The following USP43 variants were observed in gnomAD, a reference collection of about 807,000 sequenced individuals.
USP43 encodes ubiquitin carboxyl-terminal hydrolase 43.
In USP43, 33 loss-of-function variants were observed where a neutral mutation model predicts 90.7. The observed-to-expected ratio is 0.36, with a 90% CI of 0.28 to 0.49. The LOEUF (loss-of-function observed/expected upper bound fraction) is 0.49. Among genes scored for constraint, USP43 ranks in the 20% least tolerant of loss-of-function variants. USP43 has a pLI of 0.98. For missense variants in USP43, 1,274 were observed against 1,476.4 expected (o/e 0.86, Z 2.25); for synonymous variants, 598 against 615.8 (o/e 0.97, Z 0.43).
intron 1 of USP43, among the ~76,000 whole-genome samples, chr17:9,648,826 C>T (rs1192525117): frequency 6.6e-6 from 1 of 151,882 alleles, no homozygotes; most frequent in African/African-American, 2.4e-5. Context: ...CTTAAGGAGT[C>T]TTGTCTTTTC....
At chr17:9,717,749 G>T (rs576847310) in intron 14 of USP43, among the ~76,000 whole-genome samples, 2 of 152,060 alleles carry the variant, frequency 1.3e-5, no homozygotes, top group Admixed American at 6.6e-5. Flanking sequence ...TGGAATAAGT[G>T]GGCAAATAAT....
chr17:9,650,831 A>G (rs1911806262), intron 1 of USP43, among the ~76,000 whole-genome samples: 1 of 152,196 alleles, frequency 6.6e-6, no homozygotes, highest in Non-Finnish European at 1.5e-5. Context: ...ACAAAAAGAA[A>G]TAGCATATTT....
chr17:9,686,679 G>A lies in USP43; in HGVS notation c.1242-119G>A, dbSNP rs1914611813. ...GTTTTTTTTGCTGTTGAGTTTTTGT[G>A]CTTAGCTCTTGTCACTTATCCTATT... On this transcript the variant is annotated intron_variant, in intron 7 of 14. Coordinates refer to ENST00000285199, the MANE Select transcript of USP43 (RefSeq NM_153210.5). This position sits in a 1 kb window ranked among gnomAD's most constrained non-coding sequence, Gnocchi z 5.5. The A allele has an allele frequency of 3.9e-6, 3 of 774,196 alleles. No individual in the cohort carries two copies. The highest frequency in any genetic ancestry group is 1.8e-5 in the South Asian group (1 of 55,834). 48.0% of individuals were successfully genotyped at this position (774,196 alleles called of 1,614,324 possible).
At chr17:9,684,208 G>T (rs561965620) in intron 7 of USP43, among the ~76,000 whole-genome samples, 1 of 152,112 alleles carries the variant, frequency 6.6e-6, no homozygotes, top group African/African-American at 2.4e-5. Context: ...ATGTCCTTGG[G>T]TGGGGGCTAG....
chr17:9,688,335 T>C (rs887851280), intron 8 of USP43, among the ~76,000 whole-genome samples: 6 of 147,282 alleles, frequency 4.1e-5, no homozygotes, highest in African/African-American at 1.5e-4. Context: ...TCCTTACTCT[T>C]ACCTGCTCAC....
At chr17:9,693,021 T>C in intron 8 of USP43, 106 bp from the exon 9 acceptor site, 1 of 855,952 alleles carries the variant, frequency 1.2e-6, no homozygotes, top group Admixed American at 2.8e-5. Flanking sequence ...CAAAATACAC[T>C]ATGGAAAATA....
Position 9,674,980 on chromosome 17 carries a change from C to T in USP43, c.830C>T (p.Thr277Met), listed in dbSNP as rs774831489. ...CVSLPIPLRQ[T>M]RFLSVTLVFP... is the part of the protein sequence containing the mutation. ...TCCCTACCTATCCCCTTGCGCCAGA[C>T]GAGGTACGTGAGTGTCGCGGCTTGC... Residue 277 changes from threonine (T) to methionine (M), a missense_variant, in exon 4 of 15, where the codon ACG becomes ATG. This residue lies in a region of USP43 where 259 missense variants were observed against 373.7 expected (regional missense o/e 0.69). Transcript: ENST00000285199. The surrounding 1 kb of genome is among the most constrained non-coding windows in gnomAD (Gnocchi z 4.4). 30 of 1,613,700 alleles carry T rather than the reference C, an allele frequency of 1.9e-5. No homozygotes were observed. Among genetic ancestry groups the T allele is most frequent in the Middle Eastern group, 1.6e-4 (1 of 6,084 alleles).
At chr17:9,724,609 G>A (rs1422635898) in intron 14 of USP43, among the ~76,000 whole-genome samples, 1 of 151,708 alleles carries the variant, frequency 6.6e-6, no homozygotes, top group Non-Finnish European at 1.5e-5. Flanking sequence ...GAATCCGGGA[G>A]GTGGAGGTTG....
chr17:9,700,309 T>A (rs1395564042), intron 10 of USP43, 60 bp downstream of exon 10: 1 of 1,500,048 alleles, frequency 6.7e-7, no homozygotes, highest in Non-Finnish European at 9.1e-7. Context: ...GTGCCCAGGT[T>A]TCCCTGGACG....
chr17:9,701,766 G>A lies in USP43; in HGVS notation c.2011+66G>A. ...ACAGCCTCGAGATGTCCCTGGAATG[G>A]GTGTTGCTCAGATGCTGAGCTCCCT... is the stretch of plus-strand genomic sequence containing the variant. On this transcript the variant is annotated intron_variant, in intron 12 of 14. Transcript: ENST00000285199. This position sits in a 1 kb window ranked among gnomAD's most constrained non-coding sequence, Gnocchi z 7.2. 1 of 1,386,438 alleles carries A rather than the reference G, an allele frequency of 7.2e-7. No individual in the cohort carries two copies. Among genetic ancestry groups the A allele is most frequent in the Non-Finnish European group, 9.6e-7 (1 of 1,036,834 alleles). The allele number at this position is 1,386,438 out of a possible 1,614,324, so 85.9% of individuals were successfully genotyped here. A position where few individuals can be genotyped will look rare whatever the true frequency, so the allele number is the denominator to read the frequency against.
At chr17:9,715,873 A>G (rs1597889007) in intron 14 of USP43, among the ~76,000 whole-genome samples, 2 of 127,006 alleles carry the variant, frequency 1.6e-5, no homozygotes, top group South Asian at 2.6e-4. Context: ...GTCTCTGTGT[A>G]TCTGTGTGTG....
chr17:9,662,912 G>T (rs188780596), intron 2 of USP43, among the ~76,000 whole-genome samples: 1 of 151,418 alleles, frequency 6.6e-6, no homozygotes, highest in African/African-American at 2.4e-5. Flanking sequence ...CCGCCTCCTG[G>T]GCTCAAGCAA....
At chr17:9,717,041 C>T (rs1025857879) in intron 14 of USP43, among the ~76,000 whole-genome samples, 1 of 151,262 alleles carries the variant, frequency 6.6e-6, no homozygotes, top group African/African-American at 2.4e-5. Flanking sequence ...GAGGCTGAGG[C>T]AGGAGAATCA....
At chr17:9,726,789 A>G (rs1339550438) in intron 14 of USP43, among the ~76,000 whole-genome samples, 1 of 152,208 alleles carries the variant, frequency 6.6e-6, no homozygotes, top group East Asian at 1.9e-4. Context: ...GGCAGACTTC[A>G]GAGGTCACCC....
intron 7 of USP43, among the ~76,000 whole-genome samples, chr17:9,683,558 C>T (rs939770376): frequency 6.6e-6 from 1 of 151,708 alleles, no homozygotes; most frequent in Non-Finnish European, 1.5e-5. Context: ...ATCAATTAGC[C>T]CAGCCTTACT....
rs573638706 is a variant in USP43 at position 9,706,345 on chromosome 17, AT to A, written c.2012-3606del. The stretch of plus-strand genomic sequence containing the variant: ...AATTTTTGCCATGCAGAAAGTTTTT[AT>A]TTTTGCTTTTCTAGGTAAAATTATC... On this transcript the variant is annotated intron_variant, in intron 12 of 14. Transcript: ENST00000285199. Among the ~76,000 whole-genome samples the A allele has an allele frequency of 1.7e-4, 26 of 152,158 alleles. 1 individual carries two copies. In the South Asian group the frequency reaches 5.4e-3, roughly 32 times the overall value.
intron 9 of USP43, among the ~76,000 whole-genome samples, 183 bp downstream of exon 9, chr17:9,693,413 G>A (rs58419982): frequency 0.04 from 6,159 of 152,242 alleles, 392 homozygotes; most frequent in African/African-American, 0.14. Context: ...CGTATGTCTG[G>A]AGAGGCACTA....
At chr17:9,712,353 G>T (rs574382988) in intron 14 of USP43, among the ~76,000 whole-genome samples, 4 of 152,002 alleles carry the variant, frequency 2.6e-5, no homozygotes, top group African/African-American at 9.7e-5. Context: ...CTCTGCCCCC[G>T]TGTAGCTTAT....
intron 1 of USP43, among the ~76,000 whole-genome samples, chr17:9,652,543 AG>A (rs1406135830): frequency 6.6e-6 from 1 of 151,926 alleles, no homozygotes; most frequent in Non-Finnish European, 1.5e-5. Context: ...TTGTATTTTT[AG>A]TAGAGACGGG....
Sources: gnomAD v4.1 joint callset for allele counts (sites outside exome capture counted in the v4.1 genomes callset) on GRCh38, gnomAD v4.1.1 for gene constraint, gnomAD v4.1.1 regional missense constraint, Gnocchi (gnomAD v3.1) non-coding constraint, MANE v1.5 for transcripts, NCBI Gene and HGNC (gene_info 2026-07-23, HGNC 2026-07-21) for gene names.